The following P2RX1 variants were observed in gnomAD, a reference collection of about 807,000 sequenced individuals.
P2RX1 encodes the protein purinergic receptor P2X 1, also known as P2X purinoceptor 1.
Under a neutral mutation model 50.3 loss-of-function variants are expected in P2RX1, and 42 were observed. The ratio of observed to expected loss-of-function variants is 0.83; its 90% confidence interval spans 0.65 to 1.08. P2RX1 has a LOEUF of 1.08. Among genes scored for constraint, P2RX1 ranks in the 50% least tolerant of loss-of-function variants. P2RX1 has a pLI of 0.00. For synonymous variants in P2RX1, 199 were observed against 202.6 expected, an observed-to-expected ratio of 0.98 and a Z score of 0.15; for missense variants, 449 against 529.0, an observed-to-expected ratio of 0.85 and a Z score of 1.48.
rs2056412171 is a variant in P2RX1 at position 3,914,249 on chromosome 17, T to G, written c.137+1840A>C. On this transcript the variant is annotated intron_variant, in intron 1 of 11. Coordinates refer to ENST00000225538, the MANE Select transcript of P2RX1 (RefSeq NM_002558.4). This position sits in a 1 kb window ranked among gnomAD's most constrained non-coding sequence, Gnocchi z 4.1. ...GTTAGTCTCTTACTAAGCTGTGAGA[T>G]CCTGGCTAATCCCTGTGGTCCTGAG... is the stretch of plus-strand genomic sequence containing the variant. Among the ~76,000 whole-genome samples the G allele has an allele frequency of 6.6e-6, 1 of 151,986 alleles. No homozygotes were observed. Among genetic ancestry groups the G allele is most frequent in the Non-Finnish European group, 1.5e-5 (1 of 67,978 alleles).
intron 4 of P2RX1, 122 bp from the exon 5 acceptor site, chr17:3,904,146 C>A: frequency 6.8e-6 from 7 of 1,033,682 alleles, no homozygotes; most frequent in South Asian, 6.5e-5. Flanking sequence ...AGAAACGTGG[C>A]TGGGTCCCGG....
At chr17:3,915,243 C>A in intron 1 of P2RX1, 1 of 359,030 alleles carries the variant, frequency 2.8e-6, no homozygotes, top group South Asian at 2.1e-5. Context: ...ACAGGGGACA[C>A]ACACTGGCCA....
chr17:3,910,391 A>C (rs1473481782), intron 1 of P2RX1, among the ~76,000 whole-genome samples: 1 of 152,168 alleles, frequency 6.6e-6, no homozygotes, highest in Non-Finnish European at 1.5e-5. Flanking sequence ...GTCATGGAGA[A>C]TGGTGCTGTC....
intron 7 of P2RX1, among the ~76,000 whole-genome samples, chr17:3,901,280 G>T (rs1015465280): frequency 3.3e-5 from 5 of 152,232 alleles, no homozygotes; most frequent in Admixed American, 6.5e-5. Flanking sequence ...TGTTAGCCAG[G>T]ATGGTCTCGA....
At position 3,897,437 on chromosome 17, in the gene P2RX1, C is replaced by G; in HGVS notation, c.*377G>C. 5.6e-6 allele frequency: 2 copies of G among 354,056 alleles called. No individual in the cohort carries two copies. Among genetic ancestry groups the G allele is most frequent in the East Asian group, 1.1e-4 (2 of 17,600 alleles). 21.9% of individuals were successfully genotyped at this position (354,056 alleles called of 1,614,324 possible). A position where few individuals can be genotyped will look rare whatever the true frequency, so the allele number is the denominator to read the frequency against. Reference sequence around the variant, plus strand: ...TTTTATTTTAGTTTAATTTAGTCACCTATGGTTACTGACTGCCACATCGGA... The same window carrying G: ...TTTTATTTTAGTTTAATTTAGTCACGTATGGTTACTGACTGCCACATCGGA... On this transcript the variant is annotated 3_prime_UTR_variant, in exon 12 of 12. Transcript: ENST00000225538.
intron 3 of P2RX1, 56 bp from the exon 4 acceptor site, chr17:3,904,455 G>T (rs2056219997): frequency 2.0e-6 from 3 of 1,481,074 alleles, no homozygotes; most frequent in Non-Finnish European, 2.8e-6. Flanking sequence ...CCTGAGAAGA[G>T]CCCCTCTCCC....
rs757618793 is a variant in P2RX1, at chr17:3,903,171, C to G, written c.747+31G>C. On this transcript the variant is annotated intron_variant, in intron 7 of 11. Transcript: ENST00000225538. The surrounding 1 kb of genome is among the most constrained non-coding windows in gnomAD (Gnocchi z 4.6). ...TTTATCAGGATCCTGCGGCCCAGCC[C>G]TCCCCACGTGCCTGGCACCATGCTC... is the stretch of plus-strand genomic sequence containing the variant. 6.2e-7 allele frequency: 1 copy of G among 1,613,784 alleles called. No individual in the cohort carries two copies. The highest frequency in any genetic ancestry group is 8.5e-7 in the Non-Finnish European group (1 of 1,180,000).
chr17:3,898,224 G>A lies in P2RX1; in HGVS notation c.1033-114C>T, dbSNP rs544205498. The A allele has an allele frequency of 1.1e-4, 107 of 955,242 alleles. No individual in the cohort carries two copies. The Admixed American group carries it at 2.0e-3, about 17-fold the overall frequency. The allele number at this position is 955,242 out of a possible 1,614,324, so 59.2% of individuals were successfully genotyped here. A position where few individuals can be genotyped will look rare whatever the true frequency, so the allele number is the denominator to read the frequency against. ...GGCCCTGGCTGGATCTGACCTCACT[G>A]GAGGCCAGTTTCCTGGAGGGTGGAT... On this transcript the variant is annotated intron_variant, in intron 10 of 11. Transcript: ENST00000225538.
At chr17:3,908,425 G>A (rs953404480) in intron 1 of P2RX1, among the ~76,000 whole-genome samples, 3 of 152,118 alleles carry the variant, frequency 2.0e-5, no homozygotes, top group Admixed American at 6.6e-5. Flanking sequence ...GCCGGGCATG[G>A]TGGTGGCGGG....
intron 2 of P2RX1, 71 bp from the exon 3 acceptor site, chr17:3,905,000 C>T: frequency 8.0e-7 from 1 of 1,254,162 alleles, no homozygotes; most frequent in Non-Finnish European, 1.1e-6. Flanking sequence ...GGCCCCACCG[C>T]TGCCCCAGCA....
At position 3,914,588 on chromosome 17, in the gene P2RX1, G is replaced by A. The variant is rs1371980691; in HGVS notation, c.137+1501C>T. 1.3e-5 allele frequency among the ~76,000 whole-genome samples: 2 copies of A among 152,164 alleles called. No homozygotes were observed. The highest frequency in any genetic ancestry group is 1.9e-4 in the East Asian group (1 of 5,204). ...TCCAGCAAGGGTAGGCTGGGCCTGCGCAGACAGCCTCTCCCAGGGACGGTC... is the reference window on the plus strand; with the variant it reads ...TCCAGCAAGGGTAGGCTGGGCCTGCACAGACAGCCTCTCCCAGGGACGGTC... On this transcript the variant is annotated intron_variant, in intron 1 of 11. Transcript: ENST00000225538. The surrounding 1 kb of genome is among the most constrained non-coding windows in gnomAD (Gnocchi z 4.1).
Position 3,904,827 on chromosome 17 carries a change from C to T in P2RX1, c.357+31G>A, listed in dbSNP as rs1372683858. ...GCACGTCATTTTCCCCTGTGAGTCCCAGAAGGGGGCTGGCGGGCAGAAGTC... is the reference window on the plus strand; with the variant it reads ...GCACGTCATTTTCCCCTGTGAGTCCTAGAAGGGGGCTGGCGGGCAGAAGTC... On this transcript the variant is annotated intron_variant, in intron 3 of 11. Coordinates refer to ENST00000225538, the MANE Select transcript of P2RX1 (RefSeq NM_002558.4). 8 of 1,549,784 alleles carry T rather than the reference C, an allele frequency of 5.2e-6. No individual in the cohort carries two copies. In the East Asian group the frequency reaches 1.6e-4, roughly 31 times the overall value.
chr17:3,902,207 C>T (rs2056161071), intron 7 of P2RX1, among the ~76,000 whole-genome samples: 1 of 152,144 alleles, frequency 6.6e-6, no homozygotes, highest in African/African-American at 2.4e-5. Flanking sequence ...CTCACTGCAA[C>T]CTCCGCCTCC....
In P2RX1 at chr17:3,905,234, C is replaced by G. The variant is rs762227785; in HGVS notation, c.271G>C (p.Val91Leu). The change falls in exon 2 of 12, where the codon GTC (valine) becomes CTC (leucine). Residue 91 changes from valine (V) to leucine (L), a missense_variant. Transcript: ENST00000225538. ...AGCCAGCTCACCTGGGCTGGGAAGA[C>G]GTAGTCAGCCACATCCCAGACCTGG... is the stretch of plus-strand genomic sequence containing the variant. The part of the protein sequence containing the change: ...GPQVWDVADY[V>L]FPAQGDNSFV... The G allele has an allele frequency of 1.1e-5, 18 of 1,613,128 alleles. No individual in the cohort carries two copies. The African/African-American group carries it at 1.3e-4, about 12-fold the overall frequency.
rs1176381420 is a variant in P2RX1 at position 3,898,114 on chromosome 17, G to T, written c.1033-4C>A. On this transcript the variant is annotated splice_polypyrimidine_tract_variant and splice_region_variant and intron_variant, in intron 10 of 11. Coordinates refer to ENST00000225538, the MANE Select transcript of P2RX1 (RefSeq NM_002558.4). ...GCAGGTCACAGAGAACTGTGGCCTG[G>T]GGTCAGGGAAGGGCACGGAGACAGC... 5 of 1,612,862 alleles carry T rather than the reference G, an allele frequency of 3.1e-6. No homozygotes were observed. Among genetic ancestry groups the T allele is most frequent in the Admixed American group, 1.7e-5 (1 of 59,944 alleles).
intron 7 of P2RX1, among the ~76,000 whole-genome samples, chr17:3,900,403 G>A (rs770530130): frequency 8.6e-5 from 13 of 151,984 alleles, no homozygotes; most frequent in South Asian, 4.1e-4. Context: ...GCAGTGAGCC[G>A]AGATCACACC....
intron 1 of P2RX1, among the ~76,000 whole-genome samples, chr17:3,913,521 C>T (rs2056399225): frequency 6.6e-6 from 1 of 152,224 alleles, no homozygotes; most frequent in South Asian, 2.1e-4. Flanking sequence ...CCCAGGATCT[C>T]CTGGAGGAGC....
intron 7 of P2RX1, among the ~76,000 whole-genome samples, chr17:3,902,202 T>C (rs2056160919): frequency 6.6e-6 from 1 of 152,170 alleles, no homozygotes; most frequent in Non-Finnish European, 1.5e-5. Context: ...CTCGACTCAC[T>C]GCAACCTCCG....
At position 3,897,992 on chromosome 17, in the gene P2RX1, T is replaced by C. The variant is rs969333539; in HGVS notation, c.1134+17A>G. 1 of 1,612,620 alleles carries C rather than the reference T, an allele frequency of 6.2e-7. No homozygotes were observed. The highest frequency in any genetic ancestry group is 1.3e-5 in the African/African-American group (1 of 74,720). On this transcript the variant is annotated intron_variant, in intron 11 of 11. Coordinates refer to ENST00000225538, the MANE Select transcript of P2RX1 (RefSeq NM_002558.4). Reference sequence around the variant, plus strand: ...GCCGGAGGCCTTCGAAGGGCCTGGCTCGGGGGGTTCTCTTACCGCCCCTGG... The same window carrying C: ...GCCGGAGGCCTTCGAAGGGCCTGGCCCGGGGGGTTCTCTTACCGCCCCTGG...
Sources: allele counts gnomAD v4.1 joint callset (sites outside exome capture counted in the v4.1 genomes callset), GRCh38; gene constraint gnomAD v4.1.1; non-coding constraint Gnocchi (gnomAD v3.1); transcripts MANE v1.5; gene names NCBI Gene and HGNC (gene_info 2026-07-23, HGNC 2026-07-21).